LRRC7: variants seen among roughly 807,000 people sequenced by gnomAD.
The protein encoded by LRRC7 is leucine rich repeat containing 7, also known as leucine-rich repeat-containing protein 7.
Under a neutral mutation model 175.7 loss-of-function variants are expected in LRRC7, and 23 were observed. The observed-to-expected ratio is 0.13, with a 90% confidence interval of 0.09 to 0.19. The LOEUF (loss-of-function observed/expected upper bound fraction) is 0.19. Ranked by LOEUF, LRRC7 falls within the 10% of genes least tolerant of loss-of-function variation. The pLI, the probability that LRRC7 is intolerant of heterozygous loss-of-function variation, is 1.00. For missense variants in LRRC7, 1,354 were observed against 1,904.7 expected, an observed-to-expected ratio of 0.71 and a Z score of 5.38; for synonymous variants, 685 against 680.9, an observed-to-expected ratio of 1.01 and a Z score of -0.09.
At position 69,632,898 on chromosome 1, in the gene LRRC7, A is replaced by G. The variant is rs114667489; in HGVS notation, c.3-45483A>G. Among the ~76,000 whole-genome samples, 1,481 of 152,234 alleles carry G rather than the reference A, an allele frequency of 9.7e-3. 22 individuals are homozygous for G. Among genetic ancestry groups the G allele is most frequent in the African/African-American group, 0.034 (1,413 of 41,556 alleles). On this transcript the variant is annotated intron_variant, in intron 1 of 26. Transcript: ENST00000651989. ...TAGTTTTAATTTTCTCTTTGGTCCA[A>G]GAGTTAAGTAGAGCATTTCTATAAT...
chr1:69,986,726 T>C lies in LRRC7; in HGVS notation c.931+340T>C, dbSNP rs1416033244. Among the ~76,000 whole-genome samples the C allele has an allele frequency of 2.6e-5, 4 of 152,204 alleles. No homozygotes were observed. The East Asian group carries it at 7.7e-4, about 29-fold the overall frequency. ...TCATGTATGTATCCTTATATTATGA[T>C]AGAATTACAATAGCTTCCATCCATA... On this transcript the variant is annotated intron_variant, in intron 10 of 26. Transcript: ENST00000651989.
At chr1:69,806,829 G>A (rs1227533811) in intron 4 of LRRC7, among the ~76,000 whole-genome samples, 1 of 151,878 alleles carries the variant, frequency 6.6e-6, no homozygotes, top group Non-Finnish European at 1.5e-5. Context: ...GAAGATTCCT[G>A]GTGTCAGCTT....
chr1:69,692,936 G>A (rs1662075099), intron 2 of LRRC7, among the ~76,000 whole-genome samples: 1 of 152,136 alleles, frequency 6.6e-6, no homozygotes, highest in Non-Finnish European at 1.5e-5. Flanking sequence ...TCCAATCCAT[G>A]AGGACGTGAA....
intron 3 of LRRC7, among the ~76,000 whole-genome samples, chr1:69,776,653 G>A (rs559883718): frequency 4.6e-5 from 7 of 151,908 alleles, no homozygotes; most frequent in Admixed American, 4.6e-4. Flanking sequence ...CTGCTTCTTG[G>A]TTTCCTGGTA....
At chr1:69,895,070 T>C (rs1436602505) in intron 7 of LRRC7, among the ~76,000 whole-genome samples, 1 of 152,032 alleles carries the variant, frequency 6.6e-6, no homozygotes, top group Admixed American at 6.5e-5. Context: ...ACATCTCTAC[T>C]AAAAACACAA....
intron 11 of LRRC7, among the ~76,000 whole-genome samples, chr1:70,005,335 T>G (rs1655907098): frequency 6.6e-6 from 1 of 152,230 alleles, no homozygotes; most frequent in Non-Finnish European, 1.5e-5. Context: ...TATTTTTATA[T>G]TTATTATCAT....
At chr1:69,726,524 C>G (rs577321009) in intron 2 of LRRC7, among the ~76,000 whole-genome samples, 1 of 152,242 alleles carries the variant, frequency 6.6e-6, no homozygotes, top group South Asian at 2.1e-4. Context: ...CTACCAGGAA[C>G]AGTCATTGGA....
At chr1:69,814,493 A>G (rs1055715019) in intron 4 of LRRC7, among the ~76,000 whole-genome samples, 4 of 152,160 alleles carry the variant, frequency 2.6e-5, no homozygotes, top group African/African-American at 9.6e-5. Context: ...TTTTACATTC[A>G]TATCATCAAA....
At chr1:69,716,930 G>A (rs370086037) in intron 2 of LRRC7, among the ~76,000 whole-genome samples, 7 of 151,686 alleles carry the variant, frequency 4.6e-5, no homozygotes, top group South Asian at 4.1e-4. Flanking sequence ...AATGTATCTC[G>A]AAAATTGTAA....
rs369124739 is a variant in LRRC7 at position 69,792,009 on chromosome 1, T to C, written c.304-34T>C. On this transcript the variant is annotated intron_variant, in intron 3 of 26. Coordinates refer to ENST00000651989, the MANE Select transcript of LRRC7 (RefSeq NM_001370785.2). Reference sequence around the variant, plus strand: ...GAGTTTATGAATGAATTTAACCAAATTGAGATCTAATTAATGATTATTTTC... The same window carrying C: ...GAGTTTATGAATGAATTTAACCAAACTGAGATCTAATTAATGATTATTTTC... The C allele has an allele frequency of 3.0e-5, 40 of 1,336,550 alleles. No individual in the cohort carries two copies. The African/African-American group carries it at 4.2e-4, about 14-fold the overall frequency. 82.8% of individuals were successfully genotyped at this position (1,336,550 alleles called of 1,614,324 possible).
intron 1 of LRRC7, among the ~76,000 whole-genome samples, chr1:69,582,918 G>T (rs879477204): frequency 4.6e-5 from 7 of 151,990 alleles, no homozygotes; most frequent in Non-Finnish European, 8.8e-5. Context: ...AATTTCTCAA[G>T]TAAATTACTT....
In LRRC7 at chr1:70,135,338, T is replaced by A. The variant is rs1371135236; in HGVS notation, c.*13451T>A. 6.6e-6 allele frequency among the ~76,000 whole-genome samples: 1 copy of A among 152,128 alleles called. No homozygotes were observed. The highest frequency in any genetic ancestry group is 1.5e-5 in the Non-Finnish European group (1 of 68,012). ...CTTATTCTTTTCACTTTTTTACCCA[T>A]CTCCGTGCCATACTGTAGAACAAAC... On this transcript the variant is annotated 3_prime_UTR_variant, in exon 27 of 27. Transcript: ENST00000651989.
intron 7 of LRRC7, among the ~76,000 whole-genome samples, chr1:69,855,688 T>C (rs1393641111): frequency 3.3e-5 from 5 of 152,080 alleles, no homozygotes; most frequent in Admixed American, 6.6e-5. Flanking sequence ...CCTTGTTAAC[T>C]TTCTGTCTCG....
intron 2 of LRRC7, among the ~76,000 whole-genome samples, chr1:69,679,973 G>T (rs1406211028): frequency 2.0e-5 from 3 of 152,054 alleles, no homozygotes; most frequent in Admixed American, 2.0e-4. Flanking sequence ...AACTGATTTT[G>T]CACTACAAAG....
chr1:69,851,216 A>G (rs572351046), intron 7 of LRRC7, among the ~76,000 whole-genome samples: 12 of 152,180 alleles, frequency 7.9e-5, no homozygotes, highest in Non-Finnish European at 1.8e-4. Context: ...CTATTTTAGT[A>G]GCGCATTATG....
intron 26 of LRRC7, among the ~76,000 whole-genome samples, chr1:70,120,381 G>C (rs888143988): frequency 6.6e-6 from 1 of 151,916 alleles, no homozygotes; most frequent in Non-Finnish European, 1.5e-5. Context: ...CTGTCATCTA[G>C]TATTTTTTTA....
chr1:69,972,728 A>G (rs899682823), intron 8 of LRRC7, among the ~76,000 whole-genome samples: 1 of 151,918 alleles, frequency 6.6e-6, no homozygotes, highest in Non-Finnish European at 1.5e-5. Flanking sequence ...TAAAGAGCTA[A>G]AAGTAGAACT....
Position 70,130,799 on chromosome 1 carries a change from A to G in LRRC7, c.*8912A>G, listed in dbSNP as rs1666632982. 6.6e-6 allele frequency among the ~76,000 whole-genome samples: 1 copy of G among 152,224 alleles called. No individual in the cohort carries two copies. Among genetic ancestry groups the G allele is most frequent in the Admixed American group, 6.5e-5 (1 of 15,276 alleles). ...ATTTGGATGTGGAGGGAAGAATAAA[A>G]GATGTCATGAGAGAGACGAGGCTAC... On this transcript the variant is annotated 3_prime_UTR_variant, in exon 27 of 27. Transcript: ENST00000651989.
chr1:69,972,866 C>A (rs949256388), intron 8 of LRRC7, among the ~76,000 whole-genome samples: 1 of 150,114 alleles, frequency 6.7e-6, no homozygotes, highest in Non-Finnish European at 1.5e-5. Flanking sequence ...ATGGAACCAA[C>A]CCGAGTGCCC....
Sources: allele counts gnomAD v4.1 joint callset (sites outside exome capture counted in the v4.1 genomes callset), GRCh38; gene constraint gnomAD v4.1.1; transcripts MANE v1.5; gene names NCBI Gene and HGNC (gene_info 2026-07-23, HGNC 2026-07-21).